Variants in BCAS3 observed in about 807,000 individuals in gnomAD.
The protein encoded by BCAS3 is BCAS4/BCAS3 fusion.
In BCAS3, 53 loss-of-function variants were observed where a neutral mutation model predicts 116.1. The ratio of observed to expected loss-of-function variants is 0.46; its 90% CI spans 0.37 to 0.57. The LOEUF is 0.57. Among genes scored for constraint, BCAS3 ranks in the 20% least tolerant of loss-of-function variants. The pLI is 0.00. For synonymous variants in BCAS3, 391 were observed against 408.2 expected (o/e 0.96, Z 0.51); for missense variants, 917 against 1,165.4 (o/e 0.79, Z 3.10).
At chr17:60,950,604 G>A (rs1324412179) in intron 14 of BCAS3, among the ~76,000 whole-genome samples, 2 of 152,122 alleles carry the variant, frequency 1.3e-5, no homozygotes, top group East Asian at 3.8e-4. Flanking sequence ...ATATTGCCTT[G>A]TAACTAATTT....
At chr17:60,680,345 A>G (rs891643871) in intron 2 of BCAS3, among the ~76,000 whole-genome samples, 4 of 152,090 alleles carry the variant, frequency 2.6e-5, no homozygotes, top group Non-Finnish European at 4.4e-5. Flanking sequence ...CTCATGTCAC[A>G]GGGGTTTGTT....
intron 22 of BCAS3, among the ~76,000 whole-genome samples, chr17:61,099,326 TAGTC>T (rs1276026410): frequency 3.3e-5 from 5 of 152,176 alleles, no homozygotes; most frequent in Admixed American, 6.5e-5. Flanking sequence ...TTAATAATGA[TAGTC>T]AGTGATGATT....
intron 3 of BCAS3, among the ~76,000 whole-genome samples, chr17:60,687,117 G>A (rs2143833182): frequency 6.6e-6 from 1 of 152,252 alleles, no homozygotes; most frequent in East Asian, 1.9e-4. Context: ...AAATAACTTT[G>A]TACTTATCAG....
At chr17:60,914,581 C>G (rs1030005114) in intron 12 of BCAS3, among the ~76,000 whole-genome samples, 2 of 152,074 alleles carry the variant, frequency 1.3e-5, no homozygotes, top group Admixed American at 1.3e-4. Context: ...ATATGGTTGA[C>G]CATTGAACAA....
At chr17:61,178,395 C>A (rs1484226121) in intron 22 of BCAS3, among the ~76,000 whole-genome samples, 4 of 152,104 alleles carry the variant, frequency 2.6e-5, no homozygotes, top group Admixed American at 2.6e-4. Flanking sequence ...CCCATCCAAT[C>A]ACTTTTCACA....
intron 16 of BCAS3, among the ~76,000 whole-genome samples, chr17:61,025,210 A>C (rs1190372584): frequency 6.6e-6 from 1 of 152,098 alleles, no homozygotes; most frequent in African/African-American, 2.4e-5. Context: ...GTCAAACTGC[A>C]AGCTGAGCTC....
intron 22 of BCAS3, among the ~76,000 whole-genome samples, chr17:61,298,550 G>A (rs2053145242): frequency 6.6e-6 from 1 of 152,182 alleles, no homozygotes; most frequent in Non-Finnish European, 1.5e-5. Context: ...CACTCTCCGT[G>A]TGAGTTGATC....
At chr17:61,234,587 A>G (rs1438307552) in intron 22 of BCAS3, among the ~76,000 whole-genome samples, 10 of 152,130 alleles carry the variant, frequency 6.6e-5, no homozygotes, top group African/African-American at 2.4e-4. Context: ...CTAGCAATTC[A>G]GGAGCTGCTA....
chr17:60,862,139 C>T (rs1345788318), intron 7 of BCAS3, among the ~76,000 whole-genome samples: 10 of 152,158 alleles, frequency 6.6e-5, no homozygotes, highest in African/African-American at 1.9e-4. Flanking sequence ...AAAAATTAGC[C>T]GGGCATGGTG....
intron 7 of BCAS3, among the ~76,000 whole-genome samples, chr17:60,848,207 G>C (rs1441961909): frequency 6.6e-6 from 1 of 152,052 alleles, no homozygotes; most frequent in African/African-American, 2.4e-5. Context: ...CCCTAGTTTT[G>C]TTGTAAGTTT....
chr17:60,976,430 T>C (rs1431549600), intron 14 of BCAS3, among the ~76,000 whole-genome samples: 1 of 139,170 alleles, frequency 7.2e-6, no homozygotes, highest in Admixed American at 7.0e-5. Context: ...GGAAACAATA[T>C]ATATATATAT....
At chr17:60,771,203 C>T (rs1242583874) in intron 6 of BCAS3, among the ~76,000 whole-genome samples, 1 of 152,044 alleles carries the variant, frequency 6.6e-6, no homozygotes, top group Non-Finnish European at 1.5e-5. Context: ...ACGCTTTTAC[C>T]ACATCACATG....
chr17:61,034,602 C>T lies in BCAS3; in HGVS notation c.1638-64C>T. 2 of 1,434,890 alleles carry T rather than the reference C, an allele frequency of 1.4e-6. No homozygotes were observed. Among genetic ancestry groups the T allele is most frequent in the African/African-American group, 1.4e-5 (1 of 69,340 alleles). 88.9% of individuals were successfully genotyped at this position (1,434,890 alleles called of 1,614,324 possible). ...GGGTGGAATTTAAAGGAAAAACTGT[C>T]ATTACCTAAAGGAGTATCATTTCAT... is the stretch of plus-strand genomic sequence containing the variant. On this transcript the variant is annotated intron_variant, in intron 16 of 23. Transcript: ENST00000407086. The surrounding 1 kb of genome is among the most constrained non-coding windows in gnomAD (Gnocchi z 5.0).
rs2053551077 is a variant in BCAS3 at position 61,302,706 on chromosome 17, A to G, written c.2426-65621A>G. ...ATATTTTTTTTTCAGCTTTGAAAGA[A>G]CAGACAACCCCACTTTATCTGATCC... is the stretch of plus-strand genomic sequence containing the variant. On this transcript the variant is annotated intron_variant, in intron 22 of 23. Coordinates refer to ENST00000407086, the MANE Select transcript of BCAS3 (RefSeq NM_017679.5). The surrounding 1 kb of genome is among the most constrained non-coding windows in gnomAD (Gnocchi z 4.4). Among the ~76,000 whole-genome samples the G allele has an allele frequency of 6.6e-6, 1 of 152,160 alleles. No individual in the cohort carries two copies. Among genetic ancestry groups the G allele is most frequent in the African/African-American group, 2.4e-5 (1 of 41,414 alleles).
chr17:60,794,326 C>T (rs1401340944), intron 6 of BCAS3, among the ~76,000 whole-genome samples: 8 of 144,620 alleles, frequency 5.5e-5, no homozygotes, highest in African/African-American at 1.8e-4. Flanking sequence ...ATGTGTAGAT[C>T]GTGAAAATTT....
intron 3 of BCAS3, among the ~76,000 whole-genome samples, chr17:60,688,673 G>A (rs1301512716): frequency 1.3e-5 from 2 of 152,050 alleles, no homozygotes; most frequent in African/African-American, 2.4e-5. Flanking sequence ...AAAATTAGCT[G>A]GGCGTGGTGG....
At chr17:60,771,759 G>A (rs2044734367) in intron 6 of BCAS3, among the ~76,000 whole-genome samples, 1 of 152,084 alleles carries the variant, frequency 6.6e-6, no homozygotes, top group African/African-American at 2.4e-5. Context: ...GTGTCCAAGT[G>A]TTCTCATTGT....
intron 19 of BCAS3, chr17:61,070,032 C>G (rs1003063964): frequency 6.3e-7 from 1 of 1,595,060 alleles, no homozygotes; most frequent in African/African-American, 1.3e-5. Flanking sequence ...CACTGCGACT[C>G]TGGAGACAGC....
chr17:61,059,919 G>A (rs868417424), intron 19 of BCAS3, among the ~76,000 whole-genome samples: 7 of 151,830 alleles, frequency 4.6e-5, no homozygotes, highest in Non-Finnish European at 1.0e-4. Flanking sequence ...CCAGCCACTC[G>A]GGAAGGCTGA....
Sources: gnomAD v4.1 joint callset for allele counts (sites outside exome capture counted in the v4.1 genomes callset) on GRCh38, gnomAD v4.1.1 for gene constraint, Gnocchi (gnomAD v3.1) non-coding constraint, MANE v1.5 for transcripts, NCBI Gene and HGNC (gene_info 2026-07-23, HGNC 2026-07-21) for gene names.